Variants in PSMB2 observed in about 807,000 individuals in gnomAD.
PSMB2 encodes the protein proteasome subunit beta type-2.
A neutral mutation model predicts 25.7 loss-of-function variants in PSMB2; 13 were observed. That is an observed-to-expected ratio of 0.51 (90% CI 0.33 to 0.80). The LOEUF (loss-of-function observed/expected upper bound fraction) is 0.80, where lower values mean the gene tolerates loss of function less well. Ranked by LOEUF, PSMB2 falls within the 30% of genes least tolerant of loss-of-function variation. PSMB2 has a pLI of 0.02. For synonymous variants in PSMB2, 87 were observed against 96.2 expected, an observed-to-expected ratio of 0.90 and a Z score of 0.56; for missense variants, 202 against 259.0, an observed-to-expected ratio of 0.78 and a Z score of 1.51.
In PSMB2 at chr1:35,602,821, GT is replaced by G. The variant is rs1650044004; in HGVS notation, c.*445del. Reference sequence around the variant, plus strand: ...CTGGAAGAAATATTTTTCACTACATGTTTTTGTACTGTTTGCATGTTACATT... The same window carrying G: ...CTGGAAGAAATATTTTTCACTACATGTTTTGTACTGTTTGCATGTTACATT... On this transcript the variant is annotated 3_prime_UTR_variant, in exon 6 of 6. Coordinates refer to ENST00000373237, the MANE Select transcript of PSMB2 (RefSeq NM_002794.5). The G allele has an allele frequency of 2.0e-5, 16 of 798,608 alleles. No homozygotes were observed. The highest frequency in any genetic ancestry group is 2.4e-5 in the Non-Finnish European group (16 of 658,522). 49.5% of individuals were successfully genotyped at this position (798,608 alleles called of 1,614,324 possible).
chr1:35,608,908 A>G (rs1157305215), intron 4 of PSMB2, among the ~76,000 whole-genome samples: 3 of 152,254 alleles, frequency 2.0e-5, no homozygotes, highest in African/African-American at 7.2e-5. Context: ...AAGCAAAATA[A>G]GTGAAAAAAC....
chr1:35,634,504 G>C (rs1273138552), intron 2 of PSMB2, among the ~76,000 whole-genome samples: 3 of 152,112 alleles, frequency 2.0e-5, no homozygotes, highest in African/African-American at 7.2e-5. Context: ...AGCTTCCTGA[G>C]TAGCTGGGAC....
At chr1:35,605,541 GCCTCCCCTGGCCAGGGC>G (rs1650141552) in intron 4 of PSMB2, among the ~76,000 whole-genome samples, 7 of 152,204 alleles carry the variant, frequency 4.6e-5, no homozygotes, top group Admixed American at 4.6e-4. Context: ...AAGGAATTCT[GCCTCCCCTGGCCAGGGC>G]CCACCTCTGA....
chr1:35,638,035 T>A (rs1371013797), intron 1 of PSMB2, among the ~76,000 whole-genome samples: 2 of 152,192 alleles, frequency 1.3e-5, no homozygotes, highest in Non-Finnish European at 2.9e-5. Flanking sequence ...TCGCATTATT[T>A]TTATAATAAG....
chr1:35,603,130 C>T lies in PSMB2; in HGVS notation c.*137G>A. 2.1e-6 allele frequency: 3 copies of T among 1,435,642 alleles called. No individual in the cohort carries two copies. Among genetic ancestry groups the T allele is most frequent in the Non-Finnish European group, 2.7e-6 (3 of 1,095,010 alleles). The allele number at this position is 1,435,642 out of a possible 1,614,324, so 88.9% of individuals were successfully genotyped here. A position where few individuals can be genotyped will look rare whatever the true frequency, so the allele number is the denominator to read the frequency against. ...ATATTAGGTAAACTGAGACCTGGACCAGAGGGCTCAATTATATCCATAGTC... is the reference window on the plus strand; with the variant it reads ...ATATTAGGTAAACTGAGACCTGGACTAGAGGGCTCAATTATATCCATAGTC... On this transcript the variant is annotated 3_prime_UTR_variant, in exon 6 of 6. Transcript: ENST00000373237.
At position 35,609,362 on chromosome 1, in the gene PSMB2, T is replaced by A; in HGVS notation, c.332A>T (p.Glu111Val). 1 of 1,604,490 alleles carries A rather than the reference T, an allele frequency of 6.2e-7. No homozygotes were observed. The highest frequency in any genetic ancestry group is 1.7e-4 in the Middle Eastern group (1 of 5,866). ...GTCCATGTAATACAGCGCTGGCCCT[T>A]CATGCTCATCATAGCCAGCCAGGAG... is the stretch of plus-strand genomic sequence containing the variant. ...NLLLAGYDEHEGPALYYMDYL... is the reference protein window; with the variant it reads ...NLLLAGYDEHVGPALYYMDYL... Residue 111 changes from glutamate to valine, a missense_variant, in exon 4 of 6, where the codon GAA becomes GTA. Coordinates refer to ENST00000373237, the MANE Select transcript of PSMB2 (RefSeq NM_002794.5).
chr1:35,617,603 C>A (rs573045492), intron 3 of PSMB2, among the ~76,000 whole-genome samples: 2 of 151,994 alleles, frequency 1.3e-5, no homozygotes, highest in East Asian at 1.9e-4. Context: ...AAGCATCATG[C>A]GACATGATGA....
intron 3 of PSMB2, among the ~76,000 whole-genome samples, chr1:35,623,337 A>C (rs61183808): frequency 6.6e-6 from 1 of 152,228 alleles, no homozygotes; most frequent in Non-Finnish European, 1.5e-5. Flanking sequence ...CTTGGCCTAC[A>C]GTGACAATCC....
At position 35,600,011 on chromosome 1, in the gene PSMB2, C is replaced by T. The variant is rs1478304476; in HGVS notation, c.*3256G>A. 2 of 568,896 alleles carry T rather than the reference C, an allele frequency of 3.5e-6. No homozygotes were observed. The highest frequency in any genetic ancestry group is 4.4e-6 in the Non-Finnish European group (2 of 449,732). 35.2% of individuals were successfully genotyped at this position (568,896 alleles called of 1,614,324 possible). On this transcript the variant is annotated 3_prime_UTR_variant, in exon 6 of 6. Transcript: ENST00000373237. ...ATTAGCTGGGTGCAGTGGTGCACCC[C>T]TCTAGTCCCAGCTAGTTGGGAGGCT... is the stretch of plus-strand genomic sequence containing the variant.
At chr1:35,608,949 C>G (rs2148563419) in intron 4 of PSMB2, among the ~76,000 whole-genome samples, 1 of 152,294 alleles carries the variant, frequency 6.6e-6, no homozygotes, top group South Asian at 2.1e-4. Flanking sequence ...GATTTTAGAA[C>G]CCAATAAAAA....
Position 35,603,332 on chromosome 1 carries a change from G to T in PSMB2, c.541C>A (p.Arg181=). 1 of 1,614,046 alleles carries T rather than the reference G, an allele frequency of 6.2e-7. No individual in the cohort carries two copies. ...FILNLPTFSV[R]IIDKNGIHDL... ...TGGATGCCATTTTTGTCAATGATTC[G>T]AACACTGAAGGTTGGCAGATTCAGG... Residue 181 remains arginine (R), a synonymous_variant, in exon 6 of 6, where the codon CGA becomes AGA. Coordinates refer to ENST00000373237, the MANE Select transcript of PSMB2 (RefSeq NM_002794.5).
Position 35,603,422 on chromosome 1 carries a change from C to A in PSMB2, c.499-48G>T, listed in dbSNP as rs771105842. On this transcript the variant is annotated intron_variant, in intron 5 of 5. Transcript: ENST00000373237. Reference sequence around the variant, plus strand: ...TCAGTCAACAAATGATTACTAAGTTCTATGTGCCAGGCTCTGTTCTAGACA... The same window carrying A: ...TCAGTCAACAAATGATTACTAAGTTATATGTGCCAGGCTCTGTTCTAGACA... The A allele has an allele frequency of 1.9e-6, 3 of 1,602,572 alleles. No individual in the cohort carries two copies. In the Admixed American group the frequency reaches 5.0e-5, roughly 27 times the overall value.
rs1651396105 is a variant in PSMB2, at chr1:35,641,506, C to A, written c.-74G>T. 2 of 1,599,964 alleles carry A rather than the reference C, an allele frequency of 1.3e-6. No individual in the cohort carries two copies. The highest frequency in any genetic ancestry group is 3.5e-5 in the Admixed American group (2 of 57,740). ...CCGCTTCCAGGTCTCACCGGTGAGA[C>A]AGCACCTCAGAGCGAAGATTGGCGC... On this transcript the variant is annotated 5_prime_UTR_variant, in exon 1 of 6. Coordinates refer to ENST00000373237, the MANE Select transcript of PSMB2 (RefSeq NM_002794.5).
Position 35,602,937 on chromosome 1 carries a change from C to T in PSMB2, c.*330G>A, listed in dbSNP as rs561832888. On this transcript the variant is annotated 3_prime_UTR_variant, in exon 6 of 6. Coordinates refer to ENST00000373237, the MANE Select transcript of PSMB2 (RefSeq NM_002794.5). The stretch of plus-strand genomic sequence containing the variant: ...CACTACTTTAGAGAGAATGGAGATA[C>T]TAGCAAGTAAAATATATGAAAGAGC... The T allele has an allele frequency of 2.9e-6, 3 of 1,035,498 alleles. No homozygotes were observed. The highest frequency in any genetic ancestry group is 8.3e-5 in the East Asian group (1 of 12,056). The allele number at this position is 1,035,498 out of a possible 1,614,324, so 64.1% of individuals were successfully genotyped here. A position where few individuals can be genotyped will look rare whatever the true frequency, so the allele number is the denominator to read the frequency against.
intron 4 of PSMB2, among the ~76,000 whole-genome samples, chr1:35,607,844 C>A (rs192014985): frequency 4.7e-4 from 72 of 152,266 alleles, no homozygotes; most frequent in Middle Eastern, 3.4e-3. Flanking sequence ...GGTATATATA[C>A]ACCATGAAAT....
At chr1:35,617,565 A>C (rs1650528463) in intron 3 of PSMB2, among the ~76,000 whole-genome samples, 2 of 152,186 alleles carry the variant, frequency 1.3e-5, no homozygotes, top group African/African-American at 4.8e-5. Flanking sequence ...AAGTTCAATA[A>C]ATGTTTATTT....
chr1:35,622,628 A>G (rs919741847), intron 3 of PSMB2, among the ~76,000 whole-genome samples: 37 of 152,044 alleles, frequency 2.4e-4, no homozygotes, highest in African/African-American at 8.2e-4. Flanking sequence ...ATTCCATTCA[A>G]TGAGCACGGG....
intron 1 of PSMB2, among the ~76,000 whole-genome samples, chr1:35,637,597 G>A (rs1002459953): frequency 2.0e-5 from 3 of 152,156 alleles, no homozygotes; most frequent in African/African-American, 7.2e-5. Flanking sequence ...CACGTTTCCT[G>A]TTTGAAAGCT....
Position 35,601,957 on chromosome 1 carries a change from C to T in PSMB2, c.*1310G>A, listed in dbSNP as rs1319098603. On this transcript the variant is annotated 3_prime_UTR_variant, in exon 6 of 6. Transcript: ENST00000373237. ...TAATGGAAAATTATGCAACTGTCAA[C>T]AAGAATAAGCATATCTATATGTATT... is the stretch of plus-strand genomic sequence containing the variant. 32 of 935,836 alleles carry T rather than the reference C, an allele frequency of 3.4e-5. No individual in the cohort carries two copies. Among genetic ancestry groups the T allele is most frequent in the Non-Finnish European group, 3.9e-5 (31 of 785,042 alleles). 58.0% of individuals were successfully genotyped at this position (935,836 alleles called of 1,614,324 possible). A position where few individuals can be genotyped will look rare whatever the true frequency, so the allele number is the denominator to read the frequency against.
Sources: gnomAD v4.1 joint callset for allele counts (sites outside exome capture counted in the v4.1 genomes callset) on GRCh38, gnomAD v4.1.1 for gene constraint, MANE v1.5 for transcripts, NCBI Gene and HGNC (gene_info 2026-07-23, HGNC 2026-07-21) for gene names.